KLHL13: variants seen among roughly 807,000 people sequenced by gnomAD.
The protein encoded by KLHL13 is kelch like family member 13, also known as kelch-like protein 13.
In KLHL13, 10 loss-of-function variants were observed where a neutral mutation model predicts 37.1. The ratio of observed to expected loss-of-function variants is 0.27; its 90% CI spans 0.17 to 0.46. KLHL13 has a LOEUF of 0.46. KLHL13 is among the 20% of genes least tolerant of loss of function. The pLI is 1.00. For missense variants in KLHL13, 360 were observed against 509.3 expected (o/e 0.71, Z 2.82); for synonymous variants, 163 against 181.2 (o/e 0.90, Z 0.81).
chrX:118,068,057 G>C (rs2054813964), intron 1 of KLHL13, among the ~76,000 whole-genome samples: 1 of 111,655 alleles, frequency 9.0e-6, no homozygotes, highest in Admixed American at 9.5e-5. Context: ...TACAACATTA[G>C]GAGGGATCTG....
intron 1 of KLHL13, among the ~76,000 whole-genome samples, chrX:117,967,540 T>A (rs2053456915): frequency 9.0e-6 from 1 of 111,481 alleles, no homozygotes; most frequent in Non-Finnish European, 1.9e-5. Context: ...CTGCCTCTCT[T>A]CCCTCTGTAG....
rs367675802 is a variant in KLHL13, at chrX:118,094,778, T to C, written c.-56+21730A>G. Among the ~76,000 whole-genome samples the C allele has an allele frequency of 4.7e-4, 52 of 111,172 alleles. No individual in the cohort carries two copies. In the East Asian group the frequency reaches 8.5e-3, roughly 18 times the overall value. On this transcript the variant is annotated intron_variant, in intron 1 of 6. Transcript: ENST00000371882. The stretch of plus-strand genomic sequence containing the variant: ...AGAATTTTCAACCCAGAATTTCATA[T>C]CCAGCCAAACTAAGCTTCATAAGTG...
intron 1 of KLHL13, chrX:117,985,444 A>AT: frequency 2.1e-4 from 162 of 764,085 alleles, no homozygotes; most frequent in Non-Finnish European, 2.4e-4. Context: ...GGCTTTATAT[A>AT]TTTAAAAAAA....
chrX:118,031,615 A>C (rs2054349109), intron 1 of KLHL13, among the ~76,000 whole-genome samples: 1 of 98,999 alleles, frequency 1.0e-5, no homozygotes, highest in Non-Finnish European at 2.0e-5. Flanking sequence ...AGTTATATAT[A>C]TATTTAGTTG....
exon 1 of KLHL13, chrX:117,973,462 C>A (rs2497860): frequency 0.014 from 13,243 of 938,650 alleles, 73 homozygotes; most frequent in Non-Finnish European, 0.016. Context: ...CAAGCTCTGG[C>A]CACACAAATC....
upstream of KLHL13, chrX:117,973,928 C>A (rs775092977): frequency 2.6e-3 from 303 of 117,451 alleles, 1 homozygote; most frequent in African/African-American, 9.9e-3. Flanking sequence ...CTCCAAAGCT[C>A]AACAGCGGGT....
intron 1 of KLHL13, among the ~76,000 whole-genome samples, chrX:117,962,245 C>T (rs1413612729): frequency 9.4e-6 from 1 of 106,544 alleles, no homozygotes; most frequent in Non-Finnish European, 1.9e-5. Flanking sequence ...AAATGTGTGA[C>T]ATTTTAGGCC....
At chrX:117,973,116 C>T in exon 1 of KLHL13, 3 of 979,587 alleles carry the variant, frequency 3.1e-6, no homozygotes, top group Non-Finnish European at 3.9e-6. Context: ...CTGCACTGTG[C>T]ATACCATACA....
At chrX:118,058,554 T>C (rs748372822) in intron 1 of KLHL13, among the ~76,000 whole-genome samples, 1 of 112,085 alleles carries the variant, frequency 8.9e-6, no homozygotes, top group African/African-American at 3.2e-5. Flanking sequence ...TCAATAACTA[T>C]AGCTCAGTTA....
At chrX:118,067,364 T>C (rs911882902) in intron 1 of KLHL13, among the ~76,000 whole-genome samples, 2 of 111,590 alleles carry the variant, frequency 1.8e-5, no homozygotes, top group African/African-American at 3.3e-5. Flanking sequence ...AAGTGAGTGG[T>C]AAGTGAATGT....
chrX:117,923,946 G>A (rs942349258), intron 2 of KLHL13, among the ~76,000 whole-genome samples: 1 of 111,787 alleles, frequency 8.9e-6, no homozygotes, highest in Non-Finnish European at 1.9e-5. Context: ...TAACAAATTC[G>A]GAGTGTCTTT....
chrX:117,901,890 T>C, exon 6 of KLHL13: 1 of 1,198,895 alleles, frequency 8.3e-7, no homozygotes, highest in Non-Finnish European at 1.1e-6. Context: ...TGGGGCTCAC[T>C]CATTTTGGCA....
intron 2 of KLHL13, among the ~76,000 whole-genome samples, chrX:117,923,487 T>C (rs1838986935): frequency 8.9e-6 from 1 of 112,055 alleles, no homozygotes; most frequent in Non-Finnish European, 1.9e-5. Context: ...TCAAAAGCAA[T>C]GATTGTATCT....
intron 1 of KLHL13, among the ~76,000 whole-genome samples, chrX:117,971,387 G>C: frequency 9.0e-6 from 1 of 111,465 alleles, no homozygotes; most frequent in Middle Eastern, 4.6e-3. Context: ...TTATGTGAAA[G>C]AGCTCCATTA....
chrX:118,072,040 G>C (rs1275374408), intron 1 of KLHL13, among the ~76,000 whole-genome samples: 1 of 104,857 alleles, frequency 9.5e-6, no homozygotes, highest in Non-Finnish European at 2.0e-5. Flanking sequence ...TAAGCCAAAA[G>C]AACAAAGCTG....
chrX:118,040,338 T>A (rs947934180), intron 1 of KLHL13, among the ~76,000 whole-genome samples: 1 of 111,335 alleles, frequency 9.0e-6, no homozygotes, highest in Non-Finnish European at 1.9e-5. Flanking sequence ...ATAGCTGTTT[T>A]GATGAACCTC....
At chrX:117,972,672 G>T in intron 1 of KLHL13, 1 of 1,036,785 alleles carries the variant, frequency 9.6e-7, no homozygotes, top group Non-Finnish European at 1.3e-6. Context: ...CCCCCATTTT[G>T]CCACAAGGTA....
chrX:117,995,973 T>C (rs966597155), intron 1 of KLHL13, among the ~76,000 whole-genome samples: 1 of 111,791 alleles, frequency 8.9e-6, no homozygotes, highest in African/African-American at 3.3e-5. Flanking sequence ...CACATGGGTG[T>C]ACATTTGTTT....
intron 1 of KLHL13, among the ~76,000 whole-genome samples, chrX:118,092,601 CAGGA>C (rs1280369522): frequency 8.9e-6 from 1 of 111,873 alleles, no homozygotes; most frequent in Admixed American, 9.5e-5. Flanking sequence ...CTTGGAACAT[CAGGA>C]AGGAAGAAAG....
Sources: gnomAD v4.1 joint callset for allele counts (sites outside exome capture counted in the v4.1 genomes callset) on GRCh38, gnomAD v4.1.1 for gene constraint, MANE v1.5 for transcripts, NCBI Gene and HGNC (gene_info 2026-07-23, HGNC 2026-07-21) for gene names.